Variants in SLCO3A1 observed in about 807,000 individuals in gnomAD.
SLCO3A1 encodes the protein PGE1 transporter.
SLCO3A1 carries 27 observed loss-of-function variants against 63.1 expected under a neutral mutation model. The observed-to-expected ratio is 0.43, with a 90% confidence interval of 0.32 to 0.59. The LOEUF (loss-of-function observed/expected upper bound fraction) is 0.59, where lower values mean the gene tolerates loss of function less well. Ranked by LOEUF, SLCO3A1 falls within the 20% of genes least tolerant of loss-of-function variation. SLCO3A1 has a pLI of 0.09. For missense variants in SLCO3A1, 773 were observed against 945.8 expected, an observed-to-expected ratio of 0.82 and a Z score of 2.40; for synonymous variants, 473 against 409.9, an observed-to-expected ratio of 1.15 and a Z score of -1.86.
chr15:91,980,014 A>G (rs1054544317), intron 2 of SLCO3A1, among the ~76,000 whole-genome samples: 15 of 152,234 alleles, frequency 9.9e-5, no homozygotes, highest in Admixed American at 4.6e-4. Flanking sequence ...CTAGAGCTTC[A>G]CCATCCGCAT....
At position 92,141,071 on chromosome 15, in the gene SLCO3A1, C is replaced by G; in HGVS notation, c.1513-5913C>G. 1.3e-5 allele frequency among the ~76,000 whole-genome samples: 2 copies of G among 152,164 alleles called. 1 individual carries two copies. The highest frequency in any genetic ancestry group is 2.9e-5 in the Non-Finnish European group (2 of 68,040). ...GGTCAACAAACTTGTCAGGTCTGTT[C>G]TGGGAGCTCAGTGGCCACCTTATTA... On this transcript the variant is annotated intron_variant, in intron 7 of 9. Transcript: ENST00000318445.
chr15:92,036,064 C>T (rs1267199139), intron 2 of SLCO3A1, among the ~76,000 whole-genome samples: 1 of 152,210 alleles, frequency 6.6e-6, no homozygotes, highest in African/African-American at 2.4e-5. Context: ...CCAGCACCAC[C>T]AAGCCACTCT....
At chr15:91,926,565 G>GTGTGTGTGTGTGTGTGTA (rs1899021276) in intron 2 of SLCO3A1, among the ~76,000 whole-genome samples, 1 of 89,780 alleles carries the variant, frequency 1.1e-5, no homozygotes, top group African/African-American at 5.0e-5. Context: ...AGCCGTGTGT[G>GTGTGTGTGTGTGTGTGTA]TGTGTGTGTG....
chr15:91,899,381 C>G (rs1393214120), intron 1 of SLCO3A1, among the ~76,000 whole-genome samples: 1 of 152,168 alleles, frequency 6.6e-6, no homozygotes, highest in African/African-American at 2.4e-5. Flanking sequence ...CCTGCCTTTT[C>G]CACTTTGATG....
At chr15:92,143,592 CA>C (rs547524436) in intron 7 of SLCO3A1, among the ~76,000 whole-genome samples, 1 of 134,680 alleles carries the variant, frequency 7.4e-6, no homozygotes, top group Admixed American at 8.9e-5. Flanking sequence ...GCTTTAGTGT[CA>C]GGGGGAAGAT....
At position 91,916,615 on chromosome 15, in the gene SLCO3A1, T is replaced by G. The variant is rs924914891; in HGVS notation, c.646+157T>G. On this transcript the variant is annotated intron_variant, in intron 2 of 9. Coordinates refer to ENST00000318445, the MANE Select transcript of SLCO3A1 (RefSeq NM_013272.4). The surrounding 1 kb of genome is among the most constrained non-coding windows in gnomAD (Gnocchi z 6.2). ...AATACTCATGCCTGGGGGTGCAACC[T>G]GGGCATTGAGACGTTTTTAAAAGTT... 6.6e-6 allele frequency among the ~76,000 whole-genome samples: 1 copy of G among 152,222 alleles called. No homozygotes were observed. The highest frequency in any genetic ancestry group is 2.4e-5 in the African/African-American group (1 of 41,456).
At chr15:92,073,148 G>A (rs77214501) in intron 2 of SLCO3A1, among the ~76,000 whole-genome samples, 3,606 of 152,218 alleles carry the variant, frequency 0.024, 60 homozygotes, top group Admixed American at 0.047. Context: ...AAAGGCCTAC[G>A]CTGGGAAATG....
intron 2 of SLCO3A1, among the ~76,000 whole-genome samples, chr15:91,956,794 T>C (rs1900195168): frequency 7.1e-6 from 1 of 140,896 alleles, no homozygotes; most frequent in South Asian, 2.3e-4. Context: ...TTTTTTTTTT[T>C]TTTTCTTTTT....
chr15:92,007,053 T>C (rs1181137405), intron 2 of SLCO3A1, among the ~76,000 whole-genome samples: 1 of 152,236 alleles, frequency 6.6e-6, no homozygotes, highest in Non-Finnish European at 1.5e-5. Flanking sequence ...TCACATGCAT[T>C]GCACAACAGT....
intron 9 of SLCO3A1, among the ~76,000 whole-genome samples, chr15:92,154,879 G>T (rs1229720920): frequency 6.6e-6 from 1 of 152,148 alleles, no homozygotes; most frequent in Non-Finnish European, 1.5e-5. Flanking sequence ...GTAAAAACTA[G>T]TTGTAATAAA....
At chr15:92,149,973 T>TA (rs1349123405) in intron 8 of SLCO3A1, among the ~76,000 whole-genome samples, 1 of 152,184 alleles carries the variant, frequency 6.6e-6, no homozygotes, top group Non-Finnish European at 1.5e-5. Flanking sequence ...ACGTGCACGT[T>TA]CTAAAGGGTG....
At chr15:92,150,278 G>C (rs1291754457) in intron 8 of SLCO3A1, among the ~76,000 whole-genome samples, 1 of 152,186 alleles carries the variant, frequency 6.6e-6, no homozygotes, top group African/African-American at 2.4e-5. Context: ...ATTAGATGGT[G>C]CCCACCCAGA....
At chr15:91,963,892 A>G (rs944763107) in intron 2 of SLCO3A1, among the ~76,000 whole-genome samples, 11 of 152,040 alleles carry the variant, frequency 7.2e-5, no homozygotes, top group Non-Finnish European at 1.2e-4. Context: ...TGCCGCTGCT[A>G]TTTCGGGTGG....
intron 2 of SLCO3A1, among the ~76,000 whole-genome samples, chr15:92,002,581 G>C (rs2046268312): frequency 6.6e-6 from 1 of 152,074 alleles, no homozygotes; most frequent in Non-Finnish European, 1.5e-5. Flanking sequence ...TCTTCTTCTT[G>C]ACTCCAGCCT....
At chr15:92,071,170 A>G (rs2047211261) in intron 2 of SLCO3A1, among the ~76,000 whole-genome samples, 1 of 152,160 alleles carries the variant, frequency 6.6e-6, no homozygotes, top group African/African-American at 2.4e-5. Context: ...TTTGGCCAGG[A>G]CGTTGGAAAT....
intron 2 of SLCO3A1, among the ~76,000 whole-genome samples, chr15:92,088,933 T>G (rs187816639): frequency 6.6e-5 from 10 of 152,308 alleles, no homozygotes; most frequent in Admixed American, 3.3e-4. Context: ...TGGAGGTTTT[T>G]GGGGGCCACT....
rs972949401 is a variant in SLCO3A1, at chr15:92,162,592, G to A, written c.1754-164G>A. 6 of 1,161,542 alleles carry A rather than the reference G, an allele frequency of 5.2e-6. No homozygotes were observed. The African/African-American group carries it at 9.3e-5, about 18-fold the overall frequency. The allele number at this position is 1,161,542 out of a possible 1,614,324, so 72.0% of individuals were successfully genotyped here. ...AGATTTGTACCATAATAAAAAGGCAGAACTGGGACACAAACTCATGCGCTT... is the reference window on the plus strand; with the variant it reads ...AGATTTGTACCATAATAAAAAGGCAAAACTGGGACACAAACTCATGCGCTT... On this transcript the variant is annotated intron_variant, in intron 9 of 9. Coordinates refer to ENST00000318445, the MANE Select transcript of SLCO3A1 (RefSeq NM_013272.4).
Position 92,120,462 on chromosome 15 carries a change from C to T in SLCO3A1, c.1010-3C>T, listed in dbSNP as rs766295363. 3.7e-6 allele frequency: 6 copies of T among 1,613,924 alleles called. No homozygotes were observed. In the Admixed American group the frequency reaches 6.7e-5, roughly 18 times the overall value. On this transcript the variant is annotated splice_region_variant and splice_polypyrimidine_tract_variant and intron_variant, in intron 4 of 9. Transcript: ENST00000318445. ...TGACCATCTGCCTTCTGTCTCCCTG[C>T]AGTGATCCCGAAGGTCACCAAGCAC... is the stretch of plus-strand genomic sequence containing the variant.
chr15:91,934,009 G>A (rs1188144360), intron 2 of SLCO3A1, among the ~76,000 whole-genome samples: 2 of 152,136 alleles, frequency 1.3e-5, no homozygotes, highest in African/African-American at 4.8e-5. Context: ...TTAGTGTTGA[G>A]TCTGGGCTTT....
Sources: allele counts gnomAD v4.1 joint callset (sites outside exome capture counted in the v4.1 genomes callset), GRCh38; gene constraint gnomAD v4.1.1; non-coding constraint Gnocchi (gnomAD v3.1); transcripts MANE v1.5; gene names NCBI Gene and HGNC (gene_info 2026-07-23, HGNC 2026-07-21).